The following EPB41L2 variants were observed in gnomAD, a reference collection of about 807,000 sequenced individuals.
The protein encoded by EPB41L2 is band 4.1-like protein 2.
Under a neutral mutation model 113.0 loss-of-function variants are expected in EPB41L2, and 43 were observed. The ratio of observed to expected loss-of-function variants is 0.38; its 90% confidence interval spans 0.30 to 0.49. EPB41L2 has a LOEUF of 0.49. EPB41L2 is among the 20% of genes least tolerant of loss of function. The probability of loss-of-function intolerance (pLI) is 0.95; values close to 1 mark genes in which losing one functional copy is unlikely to be tolerated. For synonymous variants in EPB41L2, 442 were observed against 436.7 expected (o/e 1.01, Z -0.15); for missense variants, 1,147 against 1,223.4 (o/e 0.94, Z 0.93).
intron 8 of EPB41L2, among the ~76,000 whole-genome samples, chr6:130,899,063 C>A (rs1219440616): frequency 6.6e-6 from 1 of 152,070 alleles, no homozygotes; most frequent in African/African-American, 2.4e-5. Flanking sequence ...CAAACATAAG[C>A]TTTTTGGAAA....
chr6:131,007,953 A>AT (rs1453878232), intron 1 of EPB41L2, among the ~76,000 whole-genome samples: 2 of 152,216 alleles, frequency 1.3e-5, no homozygotes, highest in African/African-American at 4.8e-5. Flanking sequence ...AGTTTGGAAA[A>AT]TTTGCAGCCT....
At chr6:131,025,612 C>T (rs375930730) in intron 1 of EPB41L2, among the ~76,000 whole-genome samples, 9 of 152,222 alleles carry the variant, frequency 5.9e-5, no homozygotes, top group Admixed American at 2.0e-4. Context: ...TGGGCTTTCA[C>T]TCCAGAGTTG....
intron 4 of EPB41L2, among the ~76,000 whole-genome samples, chr6:130,912,902 A>T (rs1044101089): frequency 6.6e-6 from 1 of 152,184 alleles, no homozygotes; most frequent in African/African-American, 2.4e-5. Flanking sequence ...AGAAAAAAAA[A>T]GTCCCCAGAA....
chr6:131,006,427 C>T (rs958371830), intron 1 of EPB41L2, among the ~76,000 whole-genome samples: 9 of 151,058 alleles, frequency 6.0e-5, no homozygotes, highest in African/African-American at 2.2e-4. Context: ...TTTGGGAGGC[C>T]GAGGCAGGCA....
intron 19 of EPB41L2, among the ~76,000 whole-genome samples, chr6:130,853,391 C>A (rs1006601333): frequency 6.6e-6 from 1 of 152,220 alleles, no homozygotes; most frequent in Non-Finnish European, 1.5e-5. Flanking sequence ...ACCCTTCTTC[C>A]TCCTGATCGG....
At chr6:130,983,073 C>T (rs558550018) in intron 1 of EPB41L2, among the ~76,000 whole-genome samples, 4 of 152,292 alleles carry the variant, frequency 2.6e-5, no homozygotes, top group East Asian at 3.9e-4. Context: ...CCTCACATTC[C>T]GGTGTCTCAC....
At chr6:130,981,273 G>A (rs779470387) in intron 1 of EPB41L2, among the ~76,000 whole-genome samples, 4 of 152,118 alleles carry the variant, frequency 2.6e-5, no homozygotes, top group African/African-American at 7.2e-5. Flanking sequence ...CAGTACAGAG[G>A]CAGAAAAGTT....
At chr6:130,901,557 T>C (rs1796318830) in intron 6 of EPB41L2, among the ~76,000 whole-genome samples, 2 of 152,104 alleles carry the variant, frequency 1.3e-5, no homozygotes, top group South Asian at 4.1e-4. Context: ...CTAGTCTTAA[T>C]CATTTGTAAG....
intron 3 of EPB41L2, among the ~76,000 whole-genome samples, chr6:130,937,191 T>C (rs561893571): frequency 4.6e-5 from 7 of 152,208 alleles, no homozygotes; most frequent in African/African-American, 7.2e-5. Flanking sequence ...GTGTCCTGCA[T>C]TCTATGTGTT....
chr6:130,981,751 T>C (rs988070902), intron 1 of EPB41L2, among the ~76,000 whole-genome samples: 4 of 152,178 alleles, frequency 2.6e-5, no homozygotes, highest in African/African-American at 9.7e-5. Context: ...CTTCTACTGA[T>C]CCAAATTGTA....
At chr6:130,970,896 T>G (rs898113673) in intron 1 of EPB41L2, among the ~76,000 whole-genome samples, 3 of 152,102 alleles carry the variant, frequency 2.0e-5, no homozygotes, top group East Asian at 3.9e-4. Context: ...ATTTTCTTAC[T>G]TATTTTCAGA....
chr6:131,035,330 G>A (rs1183919534), intron 1 of EPB41L2, among the ~76,000 whole-genome samples: 4 of 152,160 alleles, frequency 2.6e-5, no homozygotes, highest in African/African-American at 7.2e-5. Flanking sequence ...GAACAGTTAT[G>A]AACCTCTGCT....
intron 1 of EPB41L2, among the ~76,000 whole-genome samples, chr6:130,972,377 C>T (rs1180684174): frequency 1.4e-5 from 2 of 146,200 alleles, no homozygotes; most frequent in African/African-American, 2.5e-5. Context: ...GATAATACTA[C>T]ATCCACCTAT....
At chr6:130,964,916 GA>G (rs1774643189) in intron 1 of EPB41L2, among the ~76,000 whole-genome samples, 1 of 152,190 alleles carries the variant, frequency 6.6e-6, no homozygotes, top group African/African-American at 2.4e-5. Context: ...CAGCTCTAAA[GA>G]CCTTGTACAA....
intron 6 of EPB41L2, 60 bp from the exon 7 acceptor site, chr6:130,901,240 T>C: frequency 6.8e-7 from 1 of 1,474,416 alleles, no homozygotes; most frequent in Non-Finnish European, 9.4e-7. Context: ...ATTGGAGCAC[T>C]CACAGTCCTT....
At chr6:130,946,035 CA>C (rs1239220247) in intron 3 of EPB41L2, among the ~76,000 whole-genome samples, 1 of 151,892 alleles carries the variant, frequency 6.6e-6, no homozygotes, top group African/African-American at 2.4e-5. Flanking sequence ...AAAACATTTC[CA>C]AAAAAATCAA....
At position 130,956,351 on chromosome 6, in the gene EPB41L2, T is replaced by G; in HGVS notation, c.135A>C (p.Lys45Asn). The G allele has an allele frequency of 6.2e-7, 1 of 1,614,098 alleles. No homozygotes were observed. The change falls in exon 2 of 20, where the codon AAA becomes AAC. Residue 45 changes from lysine (K) to asparagine (N), a missense_variant. Physicochemically the swap from Lys to Asn is moderately conservative, Grantham distance 94. Transcript: ENST00000337057. ...CAGCTGCAGGAGGTGGCTGGGAACC[T>G]TTTTCCTCCTCTGGATCGGAAGACT... ...QNQSSDPEEE[K>N]GSQPPPAAES...
intron 1 of EPB41L2, among the ~76,000 whole-genome samples, chr6:131,051,177 T>C (rs1047153128): frequency 1.3e-5 from 2 of 152,060 alleles, no homozygotes; most frequent in Admixed American, 6.6e-5. Context: ...CCAGGCACCC[T>C]AGATGTTCAC....
At chr6:130,942,745 C>T (rs1811304738) in intron 3 of EPB41L2, among the ~76,000 whole-genome samples, 1 of 152,278 alleles carries the variant, frequency 6.6e-6, no homozygotes, top group Non-Finnish European at 1.5e-5. Flanking sequence ...AATGCTATCC[C>T]TCCCCTAGCT....
Sources: allele counts gnomAD v4.1 joint callset (sites outside exome capture counted in the v4.1 genomes callset), GRCh38; gene constraint gnomAD v4.1.1; transcripts MANE v1.5; gene names NCBI Gene and HGNC (gene_info 2026-07-23, HGNC 2026-07-21).